RAB1A: variants seen among roughly 807,000 people sequenced by gnomAD.
RAB1A encodes RAB1A, member RAS oncogene family, also known as ras-related protein Rab-1A.
A neutral mutation model predicts 26.0 loss-of-function variants in RAB1A; 2 were observed. The observed-to-expected ratio is 0.08, with a 90% CI of 0.03 to 0.24. The LOEUF is 0.24. Ranked by LOEUF, RAB1A falls within the 10% of genes least tolerant of loss-of-function variation. RAB1A has a pLI of 1.00. For missense variants in RAB1A, 100 were observed against 247.0 expected, an observed-to-expected ratio of 0.40 and a Z score of 3.99; for synonymous variants, 84 against 84.9, an observed-to-expected ratio of 0.99 and a Z score of 0.06.
intron 1 of RAB1A, among the ~76,000 whole-genome samples, chr2:65,115,037 T>C (rs1019303): frequency 0.82 from 124,620 of 152,024 alleles, 51,175 homozygotes; most frequent in African/African-American, 0.83. Flanking sequence ...CTTGACATAC[T>C]CACTTGCCTT....
chr2:65,126,419 C>T (rs1043228795), intron 1 of RAB1A, among the ~76,000 whole-genome samples: 8 of 151,322 alleles, frequency 5.3e-5, no homozygotes, highest in East Asian at 1.9e-4. Context: ...AAGGCCCGGG[C>T]GACAGAGCAA....
chr2:65,103,455 C>A (rs1007026047), intron 2 of RAB1A, among the ~76,000 whole-genome samples: 54 of 152,010 alleles, frequency 3.6e-4, no homozygotes, highest in Admixed American at 2.0e-4. Context: ...TGTTTTTGTT[C>A]CTGTGAGGGC....
intron 1 of RAB1A, among the ~76,000 whole-genome samples, chr2:65,117,018 A>G (rs1669841804): frequency 6.6e-6 from 1 of 152,220 alleles, no homozygotes; most frequent in African/African-American, 2.4e-5. Context: ...AAGCCCATTT[A>G]TAAATAATAC....
intron 3 of RAB1A, among the ~76,000 whole-genome samples, chr2:65,095,706 T>A (rs1270486858): frequency 6.6e-6 from 1 of 151,540 alleles, no homozygotes; most frequent in Non-Finnish European, 1.5e-5. Context: ...GAAAAAATGG[T>A]AAGCTTCTTA....
chr2:65,095,769 T>C (rs185616811), intron 3 of RAB1A, among the ~76,000 whole-genome samples: 4 of 150,000 alleles, frequency 2.7e-5, no homozygotes, highest in African/African-American at 9.8e-5. Context: ...CCCAGCACTT[T>C]GGGAGGCCAA....
chr2:65,126,286 C>T (rs1467919004), intron 1 of RAB1A, among the ~76,000 whole-genome samples: 4 of 151,512 alleles, frequency 2.6e-5, no homozygotes, highest in Admixed American at 2.6e-4. Context: ...TGCACTCCAG[C>T]CTGGGTGACA....
chr2:65,112,876 G>A (rs1669734421), intron 1 of RAB1A, among the ~76,000 whole-genome samples: 2 of 152,154 alleles, frequency 1.3e-5, no homozygotes, highest in Middle Eastern at 3.2e-3. Flanking sequence ...GTACAGTAAG[G>A]ACGAGTTTTA....
intron 2 of RAB1A, among the ~76,000 whole-genome samples, chr2:65,100,693 A>G (rs1351691507): frequency 6.8e-6 from 1 of 146,690 alleles, no homozygotes; most frequent in Non-Finnish European, 1.5e-5. Context: ...CATGAGGTGG[A>G]GGCTGCAGTG....
intron 1 of RAB1A, among the ~76,000 whole-genome samples, chr2:65,109,010 C>A (rs901267425): frequency 6.6e-5 from 10 of 152,144 alleles, no homozygotes; most frequent in African/African-American, 2.4e-4. Context: ...CAAACTTCCC[C>A]ACCTCCCCTT....
At chr2:65,100,674 G>A (rs554870053) in intron 2 of RAB1A, among the ~76,000 whole-genome samples, 2 of 148,284 alleles carry the variant, frequency 1.3e-5, no homozygotes, top group African/African-American at 2.5e-5. Flanking sequence ...ATGGAGAATC[G>A]CTTGAACCCA....
At chr2:65,106,338 G>A (rs149181471) in intron 1 of RAB1A, 43 of 305,672 alleles carry the variant, frequency 1.4e-4, no homozygotes, top group African/African-American at 7.8e-4. Context: ...ATATGCTAAA[G>A]TGAAAACCAC....
intron 1 of RAB1A, among the ~76,000 whole-genome samples, chr2:65,115,138 C>T (rs760969886): frequency 5.8e-4 from 89 of 152,278 alleles, no homozygotes; most frequent in Non-Finnish European, 1.1e-3. Flanking sequence ...AAATAAACTT[C>T]TACTGTTTAT....
intron 1 of RAB1A, among the ~76,000 whole-genome samples, chr2:65,111,586 T>A (rs2103861373): frequency 6.6e-6 from 1 of 152,134 alleles, no homozygotes; most frequent in East Asian, 1.9e-4. Context: ...GTGAAAAAAT[T>A]AGAGAAACCA....
chr2:65,114,569 C>A lies in RAB1A; in HGVS notation c.24-9763G>T, dbSNP rs558081092. On this transcript the variant is annotated intron_variant, in intron 1 of 5. Transcript: ENST00000409784. ...ATACAACAGTTTAAGGGGGGCCGGG[C>A]GCGGTGGCTCACGCCTGTAATCCCA... Among the ~76,000 whole-genome samples the A allele has an allele frequency of 2.2e-4, 33 of 152,132 alleles. 1 individual carries two copies. The highest frequency in any genetic ancestry group is 1.3e-4 in the Non-Finnish European group (9 of 68,012).
chr2:65,103,764 G>A (rs1669490019), intron 2 of RAB1A, among the ~76,000 whole-genome samples: 1 of 151,758 alleles, frequency 6.6e-6, no homozygotes, highest in South Asian at 2.1e-4. Context: ...AGGGAAACAT[G>A]CTAATTTGTT....
chr2:65,100,406 A>G (rs2103839730), intron 2 of RAB1A, among the ~76,000 whole-genome samples: 1 of 150,874 alleles, frequency 6.6e-6, no homozygotes, highest in Admixed American at 6.6e-5. Context: ...GTCTCAAAAA[A>G]AAAAAAAAAA....
chr2:65,096,339 A>G (rs187282662), intron 3 of RAB1A, among the ~76,000 whole-genome samples: 2 of 152,144 alleles, frequency 1.3e-5, no homozygotes, highest in Non-Finnish European at 2.9e-5. Context: ...CAAACAAACA[A>G]AATGTTCAAA....
At chr2:65,121,286 C>T (rs918363308) in intron 1 of RAB1A, among the ~76,000 whole-genome samples, 1 of 148,824 alleles carries the variant, frequency 6.7e-6, no homozygotes, top group Non-Finnish European at 1.5e-5. Flanking sequence ...CGAGTAAGTG[C>T]TAAATAGCAC....
chr2:65,112,437 G>A (rs1039981857), intron 1 of RAB1A, among the ~76,000 whole-genome samples: 3 of 152,070 alleles, frequency 2.0e-5, no homozygotes, highest in East Asian at 1.9e-4. Context: ...ATAAGCCACC[G>A]TACCCAGCCA....
Sources: gnomAD v4.1 joint callset for allele counts (sites outside exome capture counted in the v4.1 genomes callset) on GRCh38, gnomAD v4.1.1 for gene constraint, MANE v1.5 for transcripts, NCBI Gene and HGNC (gene_info 2026-07-23, HGNC 2026-07-21) for gene names.